The following EPHA7 variants were observed in gnomAD, a reference collection of about 807,000 sequenced individuals.
The protein encoded by EPHA7 is EPH receptor A7.
Under a neutral mutation model 112.6 loss-of-function variants are expected in EPHA7, and 25 were observed. The ratio of observed to expected loss-of-function variants is 0.22; its 90% CI spans 0.16 to 0.31. The LOEUF (loss-of-function observed/expected upper bound fraction) is 0.31. EPHA7 is among the 10% of genes least tolerant of loss of function. The pLI is 1.00. For synonymous variants in EPHA7, 437 were observed against 406.5 expected (o/e 1.07, Z -0.90); for missense variants, 962 against 1,212.6 (o/e 0.79, Z 3.07).
At chr6:93,285,220 AAG>A (rs750583835) in intron 5 of EPHA7, among the ~76,000 whole-genome samples, 42 of 152,296 alleles carry the variant, frequency 2.8e-4, no homozygotes, top group Admixed American at 1.4e-3. Context: ...TTCTATTTTA[AAG>A]TTGTTGTTTT....
intron 3 of EPHA7, among the ~76,000 whole-genome samples, chr6:93,399,660 CTTG>C (rs1015891485): frequency 1.3e-5 from 2 of 151,910 alleles, no homozygotes; most frequent in Non-Finnish European, 2.9e-5. Flanking sequence ...GTTTTCCCCT[CTTG>C]TTGGCTCTGT....
chr6:93,393,406 A>G (rs914456304), intron 3 of EPHA7, among the ~76,000 whole-genome samples: 1 of 151,636 alleles, frequency 6.6e-6, no homozygotes, highest in Non-Finnish European at 1.5e-5. Context: ...TATGAAATAT[A>G]TTTAGTACCC....
intron 3 of EPHA7, among the ~76,000 whole-genome samples, chr6:93,408,012 TCA>T (rs2127992806): frequency 6.6e-6 from 1 of 152,102 alleles, no homozygotes; most frequent in South Asian, 2.1e-4. Context: ...AATGTGGAAA[TCA>T]CATTTTCTTA....
intron 5 of EPHA7, among the ~76,000 whole-genome samples, chr6:93,299,758 C>T (rs968597928): frequency 2.6e-5 from 4 of 152,032 alleles, no homozygotes; most frequent in Non-Finnish European, 4.4e-5. Flanking sequence ...ATAAAGAAAA[C>T]GTGGTACATA....
At chr6:93,258,338 T>A (rs1770536102) in intron 10 of EPHA7, 54 bp from the exon 11 acceptor site, 2 of 1,457,494 alleles carry the variant, frequency 1.4e-6, no homozygotes, top group Non-Finnish European at 1.8e-6. Flanking sequence ...TGTAATTTTC[T>A]TTTAAGAGTA....
At chr6:93,251,021 C>T (rs988918276) in intron 14 of EPHA7, among the ~76,000 whole-genome samples, 15 of 151,998 alleles carry the variant, frequency 9.9e-5, no homozygotes, top group Non-Finnish European at 1.6e-4. Flanking sequence ...ACCCCATTAA[C>T]GAGCCTGTAA....
At chr6:93,413,955 A>G (rs761106475) in intron 2 of EPHA7, among the ~76,000 whole-genome samples, 9 of 151,930 alleles carry the variant, frequency 5.9e-5, no homozygotes, top group Non-Finnish European at 1.3e-4. Flanking sequence ...TTACTTGATA[A>G]GGAATAAAGA....
intron 5 of EPHA7, among the ~76,000 whole-genome samples, chr6:93,296,576 G>C (rs1772683630): frequency 6.6e-6 from 1 of 151,008 alleles, no homozygotes; most frequent in African/African-American, 2.4e-5. Flanking sequence ...ATTACGCTAG[G>C]AGAAATAAGC....
chr6:93,318,434 A>G (rs921435310), intron 5 of EPHA7, among the ~76,000 whole-genome samples: 4 of 152,102 alleles, frequency 2.6e-5, no homozygotes, highest in African/African-American at 9.7e-5. Context: ...GTTGGCAGAT[A>G]AGAACAATTT....
At chr6:93,254,469 C>T (rs345737) in intron 14 of EPHA7, among the ~76,000 whole-genome samples, 178 bp downstream of exon 14, 98,339 of 151,908 alleles carry the variant, frequency 0.65, 32,887 homozygotes, top group South Asian at 0.83. Context: ...AAATGAAAGC[C>T]AAAATAATAA....
intron 5 of EPHA7, among the ~76,000 whole-genome samples, chr6:93,302,712 AG>A (rs1409984929): frequency 2.0e-4 from 30 of 152,092 alleles, no homozygotes; most frequent in Non-Finnish European, 8.8e-5. Flanking sequence ...CTCAGGCAAG[AG>A]AAGATGTTTT....
chr6:93,257,633 G>C (rs1770497968), intron 11 of EPHA7, 110 bp from the exon 12 acceptor site: 1 of 688,202 alleles, frequency 1.5e-6, no homozygotes, highest in African/African-American at 1.8e-5. Context: ...GTGAGTGTGA[G>C]AAGTATGAGC....
chr6:93,300,564 C>G (rs1344759462), intron 5 of EPHA7, among the ~76,000 whole-genome samples: 1 of 151,842 alleles, frequency 6.6e-6, no homozygotes, highest in Non-Finnish European at 1.5e-5. Context: ...ATAAACAGTC[C>G]TCGATGTTTA....
chr6:93,325,885 C>T (rs1429200669), intron 5 of EPHA7, among the ~76,000 whole-genome samples: 2 of 151,312 alleles, frequency 1.3e-5, no homozygotes, highest in African/African-American at 2.4e-5. Flanking sequence ...TCATCAAACA[C>T]AGGATATTAA....
chr6:93,399,956 T>G (rs947260867), intron 3 of EPHA7, among the ~76,000 whole-genome samples: 1 of 152,112 alleles, frequency 6.6e-6, no homozygotes, highest in Non-Finnish European at 1.5e-5. Context: ...GAAGAATTTG[T>G]AATATTAATT....
intron 5 of EPHA7, among the ~76,000 whole-genome samples, chr6:93,324,121 T>C (rs1032737590): frequency 4.0e-5 from 6 of 151,494 alleles, no homozygotes; most frequent in African/African-American, 1.5e-4. Context: ...TCTTTTGATG[T>C]GTTTCCTTAC....
At chr6:93,244,770 A>G (rs1160829875) in intron 16 of EPHA7, among the ~76,000 whole-genome samples, 1 of 152,120 alleles carries the variant, frequency 6.6e-6, no homozygotes, top group East Asian at 1.9e-4. Context: ...GCTTCTTTTG[A>G]TCTCTTCAGA....
At chr6:93,341,389 G>A (rs908569315) in intron 5 of EPHA7, among the ~76,000 whole-genome samples, 3 of 151,796 alleles carry the variant, frequency 2.0e-5, no homozygotes, top group Admixed American at 1.3e-4. Context: ...CTTACTTTGA[G>A]TGTGCGTGTG....
At chr6:93,393,612 A>G (rs1778016140) in intron 3 of EPHA7, among the ~76,000 whole-genome samples, 1 of 151,832 alleles carries the variant, frequency 6.6e-6, no homozygotes, top group Non-Finnish European at 1.5e-5. Context: ...AACTAGACTG[A>G]AATCTCTAAG....
Sources: allele counts gnomAD v4.1 joint callset (sites outside exome capture counted in the v4.1 genomes callset), GRCh38; gene constraint gnomAD v4.1.1; transcripts MANE v1.5; gene names NCBI Gene and HGNC (gene_info 2026-07-23, HGNC 2026-07-21).